The following ABLIM1 variants were observed in gnomAD, a reference collection of about 807,000 sequenced individuals.
The protein encoded by ABLIM1 is actin-binding LIM protein 1.
A neutral mutation model predicts 107.0 loss-of-function variants in ABLIM1; 40 were observed. The ratio of observed to expected loss-of-function variants is 0.37; its 90% confidence interval spans 0.29 to 0.49. The LOEUF (loss-of-function observed/expected upper bound fraction) is 0.49. Among genes scored for constraint, ABLIM1 ranks in the 20% least tolerant of loss-of-function variants. The pLI is 0.97. For missense variants in ABLIM1, 857 were observed against 1,008.5 expected (o/e 0.85, Z 2.04); for synonymous variants, 357 against 357.3 (o/e 1.00, Z 0.01).
At chr10:114,635,737 G>A (rs1479251100) in intron 1 of ABLIM1, among the ~76,000 whole-genome samples, 1 of 152,210 alleles carries the variant, frequency 6.6e-6, no homozygotes, top group Non-Finnish European at 1.5e-5. Context: ...GGCCAGGCTG[G>A]TTTCGAACTC....
intron 2 of ABLIM1, among the ~76,000 whole-genome samples, chr10:114,598,632 T>A (rs1005621840): frequency 6.6e-6 from 1 of 151,640 alleles, no homozygotes; most frequent in Non-Finnish European, 1.5e-5. Context: ...AAAAAAGAAA[T>A]GTGTCTAGTC....
rs766408640 is a variant in ABLIM1 at position 114,451,719 on chromosome 10, C to T, written c.1547-48G>A. 2.8e-5 allele frequency: 42 copies of T among 1,506,612 alleles called. 1 individual carries two copies. Among genetic ancestry groups the T allele is most frequent in the South Asian group, 1.8e-4 (15 of 82,210 alleles). The allele number at this position is 1,506,612 out of a possible 1,614,324, so 93.3% of individuals were successfully genotyped here. On this transcript the variant is annotated intron_variant, in intron 13 of 22. Transcript: ENST00000533213. ...TGTGTGATTATGGGAACCAGTTCAG[C>T]GATGGGAAAAACAGATCAACCAAGG...
At chr10:114,547,622 A>G (rs2067523411) in intron 5 of ABLIM1, 28 bp downstream of exon 5, 1 of 1,612,326 alleles carries the variant, frequency 6.2e-7, no homozygotes, top group South Asian at 1.1e-5. Context: ...GCCCACTGAA[A>G]GGAACGCGTG....
At chr10:114,663,086 T>C (rs1351577155), upstream of ABLIM1, among the ~76,000 whole-genome samples, 1 of 152,172 alleles carries the variant, frequency 6.6e-6, no homozygotes, top group Non-Finnish European at 1.5e-5. Context: ...GGCCAAACCT[T>C]CTCTATGCCC....
intron 1 of ABLIM1, among the ~76,000 whole-genome samples, chr10:114,718,108 A>G (rs2081741265): frequency 3.3e-4 from 16 of 48,052 alleles, no homozygotes; most frequent in Non-Finnish European, 7.0e-4. Flanking sequence ...AGAAAAAGAA[A>G]AAGAAAGAAA....
At chr10:114,773,431 T>C in the ABLIM1 span, among the ~76,000 whole-genome samples, 1 of 152,132 alleles carries the variant, frequency 6.6e-6, no homozygotes, top group Admixed American at 6.5e-5. Flanking sequence ...ATTTAAAATT[T>C]CACGAATAGG....
At chr10:114,466,896 T>C (rs2065288004) in intron 11 of ABLIM1, among the ~76,000 whole-genome samples, 1 of 152,194 alleles carries the variant, frequency 6.6e-6, no homozygotes, top group Non-Finnish European at 1.5e-5. Flanking sequence ...CAGTGGCTCA[T>C]GCCTGTAATT....
intron 2 of ABLIM1, among the ~76,000 whole-genome samples, chr10:114,576,096 T>A (rs570199769): frequency 6.6e-6 from 1 of 152,362 alleles, no homozygotes; most frequent in East Asian, 1.9e-4. Flanking sequence ...AAAATTCAGA[T>A]GTTTCATTTT....
intron 1 of ABLIM1, among the ~76,000 whole-genome samples, chr10:114,682,865 G>A (rs2080804926): frequency 6.6e-6 from 1 of 152,180 alleles, no homozygotes; most frequent in African/African-American, 2.4e-5. Flanking sequence ...CTGCGTGTAA[G>A]ATTTCTTCCA....
the ABLIM1 span, among the ~76,000 whole-genome samples, chr10:114,798,051 T>C: frequency 6.6e-6 from 1 of 152,254 alleles, no homozygotes; most frequent in Non-Finnish European, 1.5e-5. Flanking sequence ...CAGGTAACTG[T>C]ATAATGACTA....
chr10:114,494,923 A>T (rs529253367), intron 6 of ABLIM1, among the ~76,000 whole-genome samples: 6 of 152,208 alleles, frequency 3.9e-5, no homozygotes, highest in Non-Finnish European at 8.8e-5. Context: ...GGAACCTAGT[A>T]TATTGCCTGG....
chr10:114,549,434 A>G (rs970634269), intron 4 of ABLIM1, among the ~76,000 whole-genome samples: 2 of 152,114 alleles, frequency 1.3e-5, no homozygotes, highest in African/African-American at 4.8e-5. Context: ...CATAAGCCCA[A>G]ATGCTGTGAA....
upstream of ABLIM1, among the ~76,000 whole-genome samples, chr10:114,688,993 T>C (rs1443076718): frequency 1.3e-5 from 2 of 152,232 alleles, no homozygotes; most frequent in East Asian, 3.8e-4. Flanking sequence ...ATCATTTTTC[T>C]GAGTCACATT....
chr10:114,750,775 T>A (rs906105225), intron 1 of ABLIM1, among the ~76,000 whole-genome samples: 1 of 152,198 alleles, frequency 6.6e-6, no homozygotes, highest in Admixed American at 6.5e-5. Flanking sequence ...TCATTTAACA[T>A]CTCACATCAA....
At chr10:114,515,387 G>A (rs2062650608) in intron 6 of ABLIM1, among the ~76,000 whole-genome samples, 1 of 152,212 alleles carries the variant, frequency 6.6e-6, no homozygotes, top group South Asian at 2.1e-4. Flanking sequence ...ACTTCAGGAT[G>A]TGAGCTGGGG....
Position 114,616,804 on chromosome 10 carries a change from C to T in ABLIM1, c.245-14843G>A, listed in dbSNP as rs967456491. Among the ~76,000 whole-genome samples the T allele has an allele frequency of 8.5e-5, 13 of 152,222 alleles. 1 individual carries two copies. Among genetic ancestry groups the T allele is most frequent in the East Asian group, 3.9e-4 (2 of 5,192 alleles). ...AGAAGGAATAGCAATTACTGAGCTA[C>T]GTGCCAGGAGGCAATGGGTGACCAG... On this transcript the variant is annotated intron_variant, in intron 1 of 22. Transcript: ENST00000533213.
intron 1 of ABLIM1, among the ~76,000 whole-genome samples, chr10:114,708,076 T>C (rs808262): frequency 0.054 from 8,187 of 152,214 alleles, 247 homozygotes; most frequent in Middle Eastern, 0.092. Context: ...TCAACGGTCT[T>C]GATGATGGAA....
chr10:114,448,551 G>A (rs1301311885), intron 14 of ABLIM1, among the ~76,000 whole-genome samples: 4 of 152,004 alleles, frequency 2.6e-5, no homozygotes, highest in Admixed American at 6.6e-5. Flanking sequence ...GAGGGTTGGC[G>A]GGCTTTGCAT....
chr10:114,773,108 TA>T, the ABLIM1 span, among the ~76,000 whole-genome samples: 1 of 151,988 alleles, frequency 6.6e-6, no homozygotes, highest in African/African-American at 2.4e-5. Flanking sequence ...ATCTAATTTA[TA>T]AATAATAGGA....
Sources: gnomAD v4.1 joint callset for allele counts (sites outside exome capture counted in the v4.1 genomes callset) on GRCh38, gnomAD v4.1.1 for gene constraint, MANE v1.5 for transcripts, NCBI Gene and HGNC (gene_info 2026-07-23, HGNC 2026-07-21) for gene names.